PRKAR1B: variants seen among roughly 807,000 people sequenced by gnomAD.
PRKAR1B encodes protein kinase cAMP-dependent type I regulatory subunit beta, also known as cAMP-dependent protein kinase type I-beta regulatory subunit.
PRKAR1B carries 22 observed loss-of-function variants against 46.5 expected under a neutral mutation model. The observed-to-expected ratio is 0.47, with a 90% CI of 0.34 to 0.68. The LOEUF (loss-of-function observed/expected upper bound fraction) is 0.68. Ranked by LOEUF, PRKAR1B falls within the 30% of genes least tolerant of loss-of-function variation. The probability of loss-of-function intolerance (pLI) is 0.01; values close to 1 mark genes in which losing one functional copy is unlikely to be tolerated. For synonymous variants in PRKAR1B, 259 were observed against 217.7 expected (o/e 1.19, Z -1.67); for missense variants, 445 against 535.6 (o/e 0.83, Z 1.67).
intron 4 of PRKAR1B, among the ~76,000 whole-genome samples, chr7:664,077 G>A (rs1167990725): frequency 6.6e-6 from 1 of 152,252 alleles, no homozygotes; most frequent in East Asian, 1.9e-4. Context: ...GGACCAGCTC[G>A]ACGGTTACAT....
At chr7:705,130 A>G (rs1029563816) in intron 2 of PRKAR1B, among the ~76,000 whole-genome samples, 12 of 151,886 alleles carry the variant, frequency 7.9e-5, no homozygotes, top group African/African-American at 2.7e-4. Context: ...CATCTCTACT[A>G]AAAATACAAA....
chr7:685,270 GTATATATACGTATATATATGTATACA>G (rs1778957448), intron 2 of PRKAR1B, among the ~76,000 whole-genome samples: 3 of 24,854 alleles, frequency 1.2e-4, no homozygotes, highest in African/African-American at 1.5e-4. Flanking sequence ...ACATATATAC[GTATATATACGTATATATATGTATACA>G]TATATATATA....
At chr7:583,320 G>C (rs1780310590) in intron 8 of PRKAR1B, among the ~76,000 whole-genome samples, 1 of 152,090 alleles carries the variant, frequency 6.6e-6, no homozygotes, top group Non-Finnish European at 1.5e-5. Flanking sequence ...AGGAACACAG[G>C]CACAGCCACA....
At chr7:567,826 C>T (rs1479003260) in intron 9 of PRKAR1B, among the ~76,000 whole-genome samples, 1 of 150,258 alleles carries the variant, frequency 6.7e-6, no homozygotes, top group Non-Finnish European at 1.5e-5. Flanking sequence ...AGAGTTCAAA[C>T]TCATAGAGAC....
chr7:680,852 T>G, intron 2 of PRKAR1B, 126 bp from the exon 3 acceptor site: 1 of 1,112,636 alleles, frequency 9.0e-7, no homozygotes, highest in East Asian at 2.7e-5. Flanking sequence ...ACTCAGGAGT[T>G]GGACATACGG....
Position 622,404 on chromosome 7 carries a change from C to T in PRKAR1B, c.441-14952G>A, listed in dbSNP as rs150862076. ...GTATGTTAGAAATGTCTGCCTGAGG[C>T]TAAAAGAAATAAAGAATTTTTGTGA... On this transcript the variant is annotated intron_variant, in intron 4 of 10. Coordinates refer to ENST00000537384, the MANE Select transcript of PRKAR1B (RefSeq NM_001164760.2). 7.6e-3 allele frequency among the ~76,000 whole-genome samples: 1,155 copies of T among 152,326 alleles called. 8 individuals are homozygous for T. The highest frequency in any genetic ancestry group is 0.024 in the Middle Eastern group (7 of 294).
At chr7:646,151 T>C (rs1244752797) in intron 4 of PRKAR1B, among the ~76,000 whole-genome samples, 1 of 151,908 alleles carries the variant, frequency 6.6e-6, no homozygotes, top group Non-Finnish European at 1.5e-5. Context: ...GCTCAAGCAA[T>C]CCTCCTACCT....
At position 602,105 on chromosome 7, in the gene PRKAR1B, C is replaced by T. The variant is rs1781647903; in HGVS notation, c.549+4088G>A. 1.3e-5 allele frequency among the ~76,000 whole-genome samples: 2 copies of T among 152,112 alleles called. No individual in the cohort carries two copies. The highest frequency in any genetic ancestry group is 1.5e-5 in the Non-Finnish European group (1 of 68,026). On this transcript the variant is annotated intron_variant, in intron 6 of 10. Coordinates refer to ENST00000537384, the MANE Select transcript of PRKAR1B (RefSeq NM_001164760.2). The surrounding 1 kb of genome is among the most constrained non-coding windows in gnomAD (Gnocchi z 6.4). The stretch of plus-strand genomic sequence containing the variant: ...CGACGCGTCGTGTCTGAGAGAAAAC[C>T]GTCTCCCCTCCACTCAGGCTTCAGC...
intron 4 of PRKAR1B, among the ~76,000 whole-genome samples, chr7:662,195 C>A (rs1314779016): frequency 9.6e-6 from 1 of 104,136 alleles, no homozygotes; most frequent in African/African-American, 4.0e-5. Flanking sequence ...ACTCTCCCCC[C>A]CATGGCACAG....
chr7:677,255 G>A lies in PRKAR1B; in HGVS notation c.414C>T (p.Phe138=), dbSNP rs138010294. 212 of 1,614,248 alleles carry A rather than the reference G, an allele frequency of 1.3e-4. No individual in the cohort carries two copies. The African/African-American group carries it at 2.3e-3, about 17-fold the overall frequency. ...TCCTCTCGTTGTCATCCAGGTGAGC[G>A]AAGAGCACGTTCTTGGAGATGGCCT... is the stretch of plus-strand genomic sequence containing the variant. The part of the protein sequence containing the change: ...LAKAISKNVL[F]AHLDDNERSD... The change falls in exon 4 of 11, where the codon TTC becomes TTT. Residue 138 remains phenylalanine (F), a synonymous_variant. Transcript: ENST00000537384.
chr7:585,511 G>A (rs748258406), intron 7 of PRKAR1B, among the ~76,000 whole-genome samples: 4 of 152,190 alleles, frequency 2.6e-5, no homozygotes, highest in Non-Finnish European at 5.9e-5. Context: ...TTCGAGTAGG[G>A]TGTACGCCGG....
At chr7:657,262 CGGACGGAT>C (rs199810963) in intron 4 of PRKAR1B, among the ~76,000 whole-genome samples, 10,304 of 102,708 alleles carry the variant, frequency 0.1, 702 homozygotes, top group South Asian at 0.28. Context: ...GATGAATGGA[CGGACGGAT>C]GGATGGATGG....
intron 1 of PRKAR1B, among the ~76,000 whole-genome samples, chr7:726,282 C>T (rs1325275053): frequency 6.6e-6 from 1 of 152,218 alleles, no homozygotes; most frequent in Non-Finnish European, 1.5e-5. Flanking sequence ...ACAGAACCAG[C>T]GTCCTTCCCT....
intron 4 of PRKAR1B, among the ~76,000 whole-genome samples, chr7:617,222 T>C (rs1030208102): frequency 1.6e-4 from 25 of 151,868 alleles, no homozygotes; most frequent in African/African-American, 5.6e-4. Context: ...CTCGAACTCC[T>C]GACCTCATGA....
intron 9 of PRKAR1B, among the ~76,000 whole-genome samples, chr7:558,079 C>T (rs775489344): frequency 2.0e-5 from 3 of 151,486 alleles, no homozygotes; most frequent in Non-Finnish European, 2.9e-5. Context: ...TTTGGGACGC[C>T]GAGGTGGGAG....
chr7:612,939 T>C lies in PRKAR1B; in HGVS notation c.441-5487A>G, dbSNP rs1468296347. Among the ~76,000 whole-genome samples the C allele has an allele frequency of 7.2e-5, 11 of 152,254 alleles. No homozygotes were observed. The South Asian group carries it at 1.9e-3, about 26-fold the overall frequency. ...ATAAACGACAATGAAAAGATGTGTGTGTGTAATAATATTCACCGAAGCACT... is the reference window on the plus strand; with the variant it reads ...ATAAACGACAATGAAAAGATGTGTGCGTGTAATAATATTCACCGAAGCACT... On this transcript the variant is annotated intron_variant, in intron 4 of 10. Coordinates refer to ENST00000537384, the MANE Select transcript of PRKAR1B (RefSeq NM_001164760.2).
chr7:720,719 A>G (rs1781041922), intron 1 of PRKAR1B, among the ~76,000 whole-genome samples: 2 of 152,182 alleles, frequency 1.3e-5, no homozygotes, highest in Non-Finnish European at 2.9e-5. Flanking sequence ...TTCTTTTATC[A>G]TTATGTAATG....
chr7:571,622 T>C (rs926962794), intron 9 of PRKAR1B, among the ~76,000 whole-genome samples: 2 of 152,200 alleles, frequency 1.3e-5, no homozygotes, highest in African/African-American at 4.8e-5. Flanking sequence ...AGGAGGAAGC[T>C]GGGGAATTTC....
At chr7:550,716 G>A (rs1162279127) in intron 10 of PRKAR1B, 114 bp from the exon 11 acceptor site, 5 of 840,656 alleles carry the variant, frequency 5.9e-6, no homozygotes, top group Non-Finnish European at 8.8e-6. Flanking sequence ...GGATGTGCCA[G>A]GCACACGTGA....
Sources: gnomAD v4.1 joint callset for allele counts (sites outside exome capture counted in the v4.1 genomes callset) on GRCh38, gnomAD v4.1.1 for gene constraint, Gnocchi (gnomAD v3.1) non-coding constraint, MANE v1.5 for transcripts, NCBI Gene and HGNC (gene_info 2026-07-23, HGNC 2026-07-21) for gene names.